Variants in HEATR1 observed in about 807,000 individuals in gnomAD.
HEATR1 encodes HEAT repeat containing 1.
HEATR1 carries 77 observed loss-of-function variants against 248.2 expected under a neutral mutation model. The observed-to-expected ratio is 0.31, with a 90% CI of 0.26 to 0.37. The LOEUF (loss-of-function observed/expected upper bound fraction) is 0.37, where lower values mean the gene tolerates loss of function less well. Among genes scored for constraint, HEATR1 ranks in the 10% least tolerant of loss-of-function variants. HEATR1 has a pLI of 1.00. For synonymous variants in HEATR1, 897 were observed against 923.1 expected (o/e 0.97, Z 0.51); for missense variants, 2,420 against 2,504.9 (o/e 0.97, Z 0.72).
chr1:236,597,847 A>T, intron 5 of HEATR1, 31 bp downstream of exon 5: 1 of 1,400,238 alleles, frequency 7.1e-7, no homozygotes, highest in Non-Finnish European at 1.0e-6. Context: ...TCTTTTCATA[A>T]AATTATATAC....
intron 29 of HEATR1, 139 bp from the exon 30 acceptor site, chr1:236,567,015 C>G: frequency 1.6e-6 from 1 of 626,614 alleles, no homozygotes. Flanking sequence ...GAGACAGGGT[C>G]TTTCTCCATG....
At chr1:236,552,840 G>A (rs1179067353) in intron 43 of HEATR1, 1 of 152,146 alleles carries the variant, frequency 6.6e-6, no homozygotes, top group Non-Finnish European at 1.5e-5. Flanking sequence ...TCCTTGATTT[G>A]TGCAAAGTAA....
intron 41 of HEATR1, 23 bp from the exon 42 acceptor site, chr1:236,554,775 A>G (rs1204741132): frequency 1.3e-6 from 2 of 1,586,580 alleles, no homozygotes; most frequent in Non-Finnish European, 1.7e-6. Flanking sequence ...GAAGAGTAAA[A>G]ATGAAAAAAC....
At chr1:236,594,201 C>G in intron 8 of HEATR1, 87 bp from the exon 9 acceptor site, 1 of 846,078 alleles carries the variant, frequency 1.2e-6, no homozygotes, top group Non-Finnish European at 1.9e-6. Context: ...GAAAATCGTT[C>G]TCAGAATAAA....
At chr1:236,556,993 A>T (rs893714163) in intron 37 of HEATR1, among the ~76,000 whole-genome samples, 1 of 152,208 alleles carries the variant, frequency 6.6e-6, no homozygotes, top group Non-Finnish European at 1.5e-5. Context: ...AGTGACCCCC[A>T]TATCAATTTC....
intron 29 of HEATR1, 97 bp downstream of exon 29, chr1:236,568,899 A>AAAAAAAAAAAAAAC (rs1558182059): frequency 1.3e-5 from 7 of 543,982 alleles, no homozygotes; most frequent in African/African-American, 2.6e-5. Flanking sequence ...AAAAAAAAAC[A>AAAAAAAAAAAAAAC]AAAAAAAAAA....
At position 236,565,685 on chromosome 1, in the gene HEATR1, T is replaced by C. The variant is rs373031407; in HGVS notation, c.4435+234A>G. 4.6e-5 allele frequency among the ~76,000 whole-genome samples: 7 copies of C among 152,280 alleles called. No individual in the cohort carries two copies. In the East Asian group the frequency reaches 9.6e-4, roughly 21 times the overall value. On this transcript the variant is annotated intron_variant, in intron 31 of 44. Transcript: ENST00000366582. The stretch of plus-strand genomic sequence containing the variant: ...TAACTCATCCTGGATACCAGCAACA[T>C]TCCACAGCCAAGACGTCAGCGCAGA...
chr1:236,568,614 A>T (rs922203676), intron 29 of HEATR1, among the ~76,000 whole-genome samples: 8 of 152,216 alleles, frequency 5.3e-5, no homozygotes, highest in Admixed American at 5.2e-4. Flanking sequence ...CTGTAGCTCT[A>T]AAAGTTCCTA....
chr1:236,582,843 T>C lies in HEATR1; in HGVS notation c.2455A>G (p.Lys819Glu). 1.2e-6 allele frequency: 2 copies of C among 1,614,168 alleles called. No individual in the cohort carries two copies. The highest frequency in any genetic ancestry group is 1.7e-6 in the Non-Finnish European group (2 of 1,179,992). ...TGCAGATAGTCCCTGCTGTCTTCTT[T>C]CAGTTGTTCAGGATTCCACCATATA... Reference protein sequence around the residue: ...GDIWWNPEQLKEDSRDYLHLL... With the variant: ...GDIWWNPEQLEEDSRDYLHLL... The change falls in exon 19 of 45, where the codon AAA (lysine) becomes GAA (glutamate). Residue 819 changes from lysine to glutamate, a missense_variant. By Grantham distance (56) the Lys-to-Glu change is moderately conservative. Transcript: ENST00000366582.
At chr1:236,556,903 C>T (rs917463336) in intron 37 of HEATR1, among the ~76,000 whole-genome samples, 4 of 152,090 alleles carry the variant, frequency 2.6e-5, no homozygotes, top group Non-Finnish European at 4.4e-5. Flanking sequence ...CTCTACCAGC[C>T]CAACTCCAAA....
chr1:236,581,719 A>C (rs1017509614), intron 19 of HEATR1, among the ~76,000 whole-genome samples: 12 of 152,214 alleles, frequency 7.9e-5, no homozygotes, highest in Non-Finnish European at 1.8e-4. Flanking sequence ...TGCCAACTCC[A>C]TGTCAAATGC....
chr1:236,551,016 A>C (rs1662712126), intron 44 of HEATR1, 26 bp from the exon 45 acceptor site: 2 of 1,527,274 alleles, frequency 1.3e-6, no homozygotes, highest in African/African-American at 2.8e-5. Context: ...AAAAATCAAA[A>C]TTAAAATCTG....
intron 42 of HEATR1, 99 bp downstream of exon 42, chr1:236,554,499 G>C: frequency 8.9e-7 from 1 of 1,119,634 alleles, no homozygotes; most frequent in South Asian, 1.5e-5. Context: ...ACCTTACAAA[G>C]AAAAATCCTA....
intron 32 of HEATR1, among the ~76,000 whole-genome samples, chr1:236,563,360 C>T (rs7512629): frequency 1.3e-5 from 2 of 151,974 alleles, no homozygotes; most frequent in African/African-American, 2.4e-5. Flanking sequence ...TGGCTCACTG[C>T]AAGCTATGCC....
At chr1:236,565,804 A>G (rs1663252994) in intron 31 of HEATR1, 115 bp downstream of exon 31, 1 of 1,008,968 alleles carries the variant, frequency 9.9e-7, no homozygotes, top group Non-Finnish European at 1.4e-6. Context: ...TCAAATTAAA[A>G]TGATTAACTT....
In HEATR1 at chr1:236,583,175, T is replaced by C. The variant is rs770677548; in HGVS notation, c.2263A>G (p.Ile755Val). 7 of 1,601,606 alleles carry C rather than the reference T, an allele frequency of 4.4e-6. No homozygotes were observed. Among genetic ancestry groups the C allele is most frequent in the South Asian group, 2.2e-5 (2 of 89,200 alleles). ...ATCCCTCTGTCTAACATCAGTTCAA[T>C]GTGCCATTCTGAGGGGATTTCCTGA... ...TAVEIPSEWH[I>V]ELMLDRGIPV... Residue 755 changes from isoleucine to valine, a missense_variant, in exon 18 of 45, where the codon ATT becomes GTT. Transcript: ENST00000366582.
At chr1:236,598,748 C>T (rs926524214) in intron 4 of HEATR1, among the ~76,000 whole-genome samples, 1 of 152,188 alleles carries the variant, frequency 6.6e-6, no homozygotes, top group Non-Finnish European at 1.5e-5. Context: ...GCCTAATGTG[C>T]ACAGCCTCGT....
At chr1:236,561,152 ACT>A (rs1663120098) in intron 33 of HEATR1, 71 bp downstream of exon 33, 1 of 1,060,382 alleles carries the variant, frequency 9.4e-7, no homozygotes, top group Non-Finnish European at 1.5e-6. Context: ...AATTTTCTGT[ACT>A]GTTTTTCCAG....
intron 44 of HEATR1, 24 bp downstream of exon 44, chr1:236,551,975 G>A: frequency 7.2e-7 from 1 of 1,397,504 alleles, no homozygotes. Context: ...ATTGTTTAAT[G>A]GTTGGGAATA....
Sources: allele counts gnomAD v4.1 joint callset (sites outside exome capture counted in the v4.1 genomes callset), GRCh38; gene constraint gnomAD v4.1.1; transcripts MANE v1.5; gene names NCBI Gene and HGNC (gene_info 2026-07-23, HGNC 2026-07-21).